TMEM236: variants seen among roughly 807,000 people sequenced by gnomAD.
TMEM236 encodes family with sequence similarity 23, member A.
A neutral mutation model predicts 14.7 loss-of-function variants in TMEM236; 11 were observed. That is an observed-to-expected ratio of 0.75 (90% CI 0.47 to 1.24). The LOEUF (loss-of-function observed/expected upper bound fraction) is 1.24. TMEM236 is among the 50% of genes most tolerant of loss of function. TMEM236 has a pLI of 0.00. For synonymous variants in TMEM236, 182 were observed against 168.6 expected, an observed-to-expected ratio of 1.08 and a Z score of -0.62; for missense variants, 464 against 427.3, an observed-to-expected ratio of 1.09 and a Z score of -0.76.
At chr10:17,758,805 C>G (rs2131740440) in intron 1 of TMEM236, among the ~76,000 whole-genome samples, 1 of 152,212 alleles carries the variant, frequency 6.6e-6, no homozygotes, top group African/African-American at 2.4e-5. Context: ...TTCTTTTATT[C>G]TTTGAGAAGA....
intron 1 of TMEM236, among the ~76,000 whole-genome samples, chr10:17,762,403 C>A (rs972954265): frequency 0.014 from 2,083 of 151,446 alleles, 46 homozygotes; most frequent in African/African-American, 0.047. Flanking sequence ...CTACTGACTT[C>A]GTGTATTGAT....
At chr10:17,786,052 T>A (rs1309695284) in intron 3 of TMEM236, among the ~76,000 whole-genome samples, 5 of 151,460 alleles carry the variant, frequency 3.3e-5, no homozygotes, top group Non-Finnish European at 7.3e-5. Context: ...CTTTATATGA[T>A]TTTAATAATT....
At chr10:17,779,148 A>G (rs987069707) in intron 3 of TMEM236, among the ~76,000 whole-genome samples, 1 of 152,170 alleles carries the variant, frequency 6.6e-6, no homozygotes, top group Admixed American at 6.5e-5. Context: ...TTCCATTTGA[A>G]TTTTGCTAAC....
At chr10:17,787,587 A>C (rs1016867065) in intron 3 of TMEM236, among the ~76,000 whole-genome samples, 47 of 152,150 alleles carry the variant, frequency 3.1e-4, no homozygotes, top group African/African-American at 1.1e-3. Flanking sequence ...TTGCTCCCTC[A>C]TGCTAATAGA....
chr10:17,789,685 A>G (rs2131764977), intron 3 of TMEM236, among the ~76,000 whole-genome samples: 1 of 151,788 alleles, frequency 6.6e-6, no homozygotes, highest in Non-Finnish European at 1.5e-5. Flanking sequence ...GTTCAAGACC[A>G]GCCTGGGCAA....
intron 3 of TMEM236, among the ~76,000 whole-genome samples, chr10:17,777,055 G>T (rs1837668851): frequency 6.6e-6 from 1 of 152,184 alleles, no homozygotes. Context: ...GGGGTGAATG[G>T]AGTCAACTGA....
At chr10:17,762,586 T>TATATATATATATATATATATATATATAC (rs1837384707) in intron 1 of TMEM236, among the ~76,000 whole-genome samples, 2 of 63,978 alleles carry the variant, frequency 3.1e-5, no homozygotes, top group African/African-American at 2.4e-4. Flanking sequence ...TATATATATA[T>TATATATATATATATATATATATATATAC]ATATATATAT....
chr10:17,753,594 T>C (rs1165678809), intron 1 of TMEM236, among the ~76,000 whole-genome samples: 2 of 152,200 alleles, frequency 1.3e-5, no homozygotes, highest in African/African-American at 2.4e-5. Context: ...TTTTTCATGA[T>C]TGCATAGCAT....
intron 1 of TMEM236, among the ~76,000 whole-genome samples, chr10:17,760,282 CTA>C (rs1837342575): frequency 6.6e-6 from 1 of 151,660 alleles, no homozygotes; most frequent in Admixed American, 6.6e-5. Flanking sequence ...GATTTATTGA[CTA>C]TTTGTATTTT....
intron 1 of TMEM236, among the ~76,000 whole-genome samples, chr10:17,764,011 T>C (rs916078842): frequency 6.6e-5 from 10 of 152,308 alleles, no homozygotes; most frequent in African/African-American, 2.4e-4. Context: ...TGGCATGATA[T>C]GAACTCATTG....
At chr10:17,791,025 T>C (rs1344656438) in intron 3 of TMEM236, among the ~76,000 whole-genome samples, 7 of 152,248 alleles carry the variant, frequency 4.6e-5, no homozygotes, top group Non-Finnish European at 1.0e-4. Flanking sequence ...ATAATCTGTC[T>C]CTGCCACAGA....
intron 3 of TMEM236, among the ~76,000 whole-genome samples, chr10:17,780,914 T>C (rs1355917166): frequency 1.3e-5 from 2 of 152,180 alleles, no homozygotes; most frequent in South Asian, 2.1e-4. Context: ...CTGATTTACA[T>C]AGGGCTCAGA....
At chr10:17,774,734 G>T (rs1421343328) in intron 2 of TMEM236, among the ~76,000 whole-genome samples, 1 of 151,796 alleles carries the variant, frequency 6.6e-6, no homozygotes, top group Non-Finnish European at 1.5e-5. Context: ...TGCAACAGTG[G>T]TTGAAGTTGC....
At position 17,776,047 on chromosome 10, in the gene TMEM236, G is replaced by C; in HGVS notation, c.349G>C (p.Gly117Arg). Residue 117 changes from glycine to arginine, a missense_variant, in exon 3 of 4, where the codon GGG becomes CGG. By Grantham distance (125) the Gly-to-Arg change is moderately radical (BLOSUM62 -2). Transcript: ENST00000377495. The stretch of plus-strand genomic sequence containing the variant: ...TAAACAGGTTCAAAAGAGCATTAAT[G>C]GGTCCGCTGATGTCTTACCTGATAT... ...AVTEVQKSIN[G>R]SADVLPDMLP... 1 of 1,613,842 alleles carries C rather than the reference G, an allele frequency of 6.2e-7. No individual in the cohort carries two copies. The highest frequency in any genetic ancestry group is 8.5e-7 in the Non-Finnish European group (1 of 1,179,820).
intron 1 of TMEM236, among the ~76,000 whole-genome samples, chr10:17,769,665 G>A (rs1468972740): frequency 1.3e-5 from 2 of 152,134 alleles, no homozygotes; most frequent in Non-Finnish European, 2.9e-5. Context: ...GCTACCAGTT[G>A]AAAATTCCAT....
intron 1 of TMEM236, among the ~76,000 whole-genome samples, chr10:17,760,866 A>G (rs1368449322): frequency 1.3e-5 from 2 of 152,182 alleles, no homozygotes; most frequent in Non-Finnish European, 2.9e-5. Flanking sequence ...CGTGAAACGT[A>G]TTCACTGTCA....
At chr10:17,766,032 G>C (rs1198593477) in intron 1 of TMEM236, among the ~76,000 whole-genome samples, 1 of 152,168 alleles carries the variant, frequency 6.6e-6, no homozygotes, top group East Asian at 1.9e-4. Context: ...TGGTTGACTG[G>C]ATTCACAAAC....
At position 17,752,445 on chromosome 10, in the gene TMEM236, C is replaced by T; in HGVS notation, c.150C>T (p.Ile50=). Residue 50 remains isoleucine (I), a synonymous_variant, in exon 1 of 4, where the codon ATC becomes ATT. Transcript: ENST00000377495. Reference sequence around the variant, plus strand: ...CTGACAACACACACTACTGGCTGATCATCTCCTGTTCTATTGCCTATGTTG... The same window carrying T: ...CTGACAACACACACTACTGGCTGATTATCTCCTGTTCTATTGCCTATGTTG... The part of the protein sequence containing the change: ...ARSDNTHYWL[I]ISCSIAYVAL... The T allele has an allele frequency of 6.2e-7, 1 of 1,613,994 alleles. No individual in the cohort carries two copies. The highest frequency in any genetic ancestry group is 8.5e-7 in the Non-Finnish European group (1 of 1,179,858).
At chr10:17,754,303 T>G (rs1044162219) in intron 1 of TMEM236, among the ~76,000 whole-genome samples, 51 of 152,296 alleles carry the variant, frequency 3.3e-4, no homozygotes, top group Admixed American at 3.1e-3. Flanking sequence ...AAACAACTGG[T>G]TCCTTTAGAC....
Sources: allele counts gnomAD v4.1 joint callset (sites outside exome capture counted in the v4.1 genomes callset), GRCh38; gene constraint gnomAD v4.1.1; transcripts MANE v1.5; gene names NCBI Gene and HGNC (gene_info 2026-07-23, HGNC 2026-07-21).